LMNB2: variants seen among roughly 807,000 people sequenced by gnomAD.
LMNB2 encodes the protein lamin B2, also known as lamin-B2.
Under a neutral mutation model 69.3 loss-of-function variants are expected in LMNB2, and 17 were observed. The ratio of observed to expected loss-of-function variants is 0.25; its 90% CI spans 0.17 to 0.37. The LOEUF (loss-of-function observed/expected upper bound fraction) is 0.37. LMNB2 is among the 10% of genes least tolerant of loss of function. LMNB2 has a pLI of 1.00. For synonymous variants in LMNB2, 397 were observed against 389.3 expected (o/e 1.02, Z -0.23); for missense variants, 789 against 883.6 (o/e 0.89, Z 1.36).
At position 2,443,380 on chromosome 19, in the gene LMNB2, G is replaced by A. The variant is rs539678633; in HGVS notation, c.401+1024C>T. Reference sequence around the variant, plus strand: ...AGGTCACCTGCAACCACGCATGGGGGCCCCGGCACTGTTGGACACAGGGTC... The same window carrying A: ...AGGTCACCTGCAACCACGCATGGGGACCCCGGCACTGTTGGACACAGGGTC... On this transcript the variant is annotated intron_variant, in intron 2 of 11. Coordinates refer to ENST00000325327, the MANE Select transcript of LMNB2 (RefSeq NM_032737.4). This position sits in a 1 kb window ranked among gnomAD's most constrained non-coding sequence, Gnocchi z 6.2. 3.3e-4 allele frequency among the ~76,000 whole-genome samples: 50 copies of A among 152,284 alleles called. No individual in the cohort carries two copies. Among genetic ancestry groups the A allele is most frequent in the African/African-American group, 1.2e-3 (49 of 41,558 alleles).
chr19:2,455,409 T>C (rs2145477650), intron 1 of LMNB2, among the ~76,000 whole-genome samples: 1 of 151,700 alleles, frequency 6.6e-6, no homozygotes, highest in Non-Finnish European at 1.5e-5. Context: ...ACCCCCTCAG[T>C]TGGGGGGGGT....
chr19:2,432,329 C>T, intron 9 of LMNB2, 87 bp downstream of exon 9: 1 of 823,708 alleles, frequency 1.2e-6, no homozygotes. Flanking sequence ...TCCCCACCCA[C>T]CCCCGCCAAG....
chr19:2,444,291 C>A, intron 2 of LMNB2, 113 bp downstream of exon 2: 3 of 1,288,030 alleles, frequency 2.3e-6, no homozygotes, highest in Non-Finnish European at 2.2e-6. Flanking sequence ...GCTGTGAGCT[C>A]CAGGCTGTGC....
intron 5 of LMNB2, 30 bp from the exon 6 acceptor site, chr19:2,434,943 C>G (rs62122269): frequency 1.3e-6 from 2 of 1,585,922 alleles, no homozygotes; most frequent in African/African-American, 2.7e-5. Context: ...TGAGTGCGGG[C>G]GCGGGGCGGG....
chr19:2,450,826 T>C (rs1972013544), intron 1 of LMNB2, among the ~76,000 whole-genome samples: 1 of 151,218 alleles, frequency 6.6e-6, no homozygotes, highest in Non-Finnish European at 1.5e-5. Context: ...GAGACGGGGC[T>C]TCACCATGTT....
chr19:2,454,292 CAA>C (rs58800585), intron 1 of LMNB2, among the ~76,000 whole-genome samples: 30 of 80,970 alleles, frequency 3.7e-4, no homozygotes, highest in Admixed American at 1.3e-3. Flanking sequence ...GACTCTATCT[CAA>C]AAAAAAAAAA....
intron 1 of LMNB2, among the ~76,000 whole-genome samples, chr19:2,456,006 C>G (rs987181882): frequency 2.0e-5 from 3 of 151,206 alleles, no homozygotes; most frequent in Middle Eastern, 3.4e-3. Context: ...GATCGCGCAC[C>G]CCGCGGTGGC....
At chr19:2,432,903 G>A (rs1971762486) in intron 8 of LMNB2, among the ~76,000 whole-genome samples, 1 of 77,382 alleles carries the variant, frequency 1.3e-5, no homozygotes, top group African/African-American at 7.0e-5. Context: ...CCTCGCATTG[G>A]CCGGCGGCCC....
chr19:2,430,722 G>T lies in LMNB2; in HGVS notation c.*189C>A. 1 of 683,036 alleles carries T rather than the reference G, an allele frequency of 1.5e-6. No individual in the cohort carries two copies. Among genetic ancestry groups the T allele is most frequent in the Non-Finnish European group, 2.7e-6 (1 of 368,164 alleles). 42.3% of individuals were successfully genotyped at this position (683,036 alleles called of 1,614,324 possible). A position where few individuals can be genotyped will look rare whatever the true frequency, so the allele number is the denominator to read the frequency against. ...ATTGAAAAGTCTCCGGGGCAGCGGC[G>T]AAGTGGCAGCGAAGTGAGGCTGGAG... On this transcript the variant is annotated 3_prime_UTR_variant, in exon 12 of 12. Coordinates refer to ENST00000325327, the MANE Select transcript of LMNB2 (RefSeq NM_032737.4).
At chr19:2,431,995 T>A in intron 9 of LMNB2, 93 bp from the exon 10 acceptor site, 2 of 1,482,686 alleles carry the variant, frequency 1.3e-6, no homozygotes, top group East Asian at 2.4e-5. Flanking sequence ...CCCCCTTCAA[T>A]GCCCTGGGCG....
At position 2,435,095 on chromosome 19, in the gene LMNB2, A is replaced by T. The variant is rs746946647; in HGVS notation, c.761T>A (p.Phe254Tyr). The T allele has an allele frequency of 6.2e-7, 1 of 1,610,072 alleles. No homozygotes were observed. The highest frequency in any genetic ancestry group is 2.2e-5 in the East Asian group (1 of 44,848). ...CTCCTCCAGCGCCTGTGCCATCTTGAAGTCGTACTCCTGCTGCCGGCTGCT... is the reference window on the plus strand; with the variant it reads ...CTCCTCCAGCGCCTGTGCCATCTTGTAGTCGTACTCCTGCTGCCGGCTGCT... ...VDSSRQQEYDFKMAQALEELR... is the reference protein window; with the variant it reads ...VDSSRQQEYDYKMAQALEELR... Residue 254 changes from phenylalanine (F) to tyrosine (Y), a missense_variant, in exon 5 of 12, where the codon TTC becomes TAC. By Grantham distance (22) the Phe-to-Tyr change is conservative. Transcript: ENST00000325327.
At chr19:2,444,656 G>A in intron 1 of LMNB2, 116 bp from the exon 2 acceptor site, 2 of 1,347,150 alleles carry the variant, frequency 1.5e-6, no homozygotes, top group South Asian at 1.2e-5. Flanking sequence ...CGCAGAGAGA[G>A]AGGATGGCAG....
At chr19:2,442,003 G>A (rs1389108765) in intron 2 of LMNB2, among the ~76,000 whole-genome samples, 1 of 152,218 alleles carries the variant, frequency 6.6e-6, no homozygotes, top group Non-Finnish European at 1.5e-5. Flanking sequence ...GCAGGGTGCG[G>A]GCTCCCAGGG....
In LMNB2 at chr19:2,443,982, C is replaced by T. The variant is rs576554425; in HGVS notation, c.401+422G>A. Among the ~76,000 whole-genome samples the T allele has an allele frequency of 6.6e-6, 1 of 152,142 alleles. No homozygotes were observed. Among genetic ancestry groups the T allele is most frequent in the Admixed American group, 6.6e-5 (1 of 15,266 alleles). On this transcript the variant is annotated intron_variant, in intron 2 of 11. Transcript: ENST00000325327. The surrounding 1 kb of genome is among the most constrained non-coding windows in gnomAD (Gnocchi z 6.2). The stretch of plus-strand genomic sequence containing the variant: ...GAGCGTCCCAACAGCTGGGACAAAA[C>T]CCCGGCACCAAGAACATCCAACCAC...
At position 2,456,656 on chromosome 19, in the gene LMNB2, GC is replaced by G. The variant is rs1175405778; in HGVS notation, c.264+13del. 3 of 1,505,012 alleles carry G rather than the reference GC, an allele frequency of 2.0e-6. No homozygotes were observed. Among genetic ancestry groups the G allele is most frequent in the Non-Finnish European group, 2.7e-6 (3 of 1,125,266 alleles). The allele number at this position is 1,505,012 out of a possible 1,614,324, so 93.2% of individuals were successfully genotyped here. A position where few individuals can be genotyped will look rare whatever the true frequency, so the allele number is the denominator to read the frequency against. On this transcript the variant is annotated intron_variant, in intron 1 of 11. Coordinates refer to ENST00000325327, the MANE Select transcript of LMNB2 (RefSeq NM_032737.4). Reference sequence around the variant, plus strand: ...GGCTGCACCCCCGCCCGGCCCCTAAGCCCCGGCGCCCACCTCGCGCGTGGTC... The same window carrying G: ...GGCTGCACCCCCGCCCGGCCCCTAAGCCCGGCGCCCACCTCGCGCGTGGTC...
chr19:2,456,588 A>G (rs1972093217), intron 1 of LMNB2, 82 bp downstream of exon 1: 2 of 1,267,702 alleles, frequency 1.6e-6, no homozygotes, highest in Non-Finnish European at 2.0e-6. Flanking sequence ...ACCCCCGCCC[A>G]GGGTCCCCGC....
At position 2,438,376 on chromosome 19, in the gene LMNB2, T is replaced by A. The variant is rs1331367506; in HGVS notation, c.557A>T (p.Lys186Met). 1.2e-6 allele frequency: 2 copies of A among 1,612,922 alleles called. No homozygotes were observed. Among genetic ancestry groups the A allele is most frequent in the Non-Finnish European group, 1.7e-6 (2 of 1,179,916 alleles). The change falls in exon 3 of 12, where the codon AAG becomes ATG. Residue 186 changes from lysine to methionine, a missense_variant and splice_region_variant. By Grantham distance (95) the Lys-to-Met change is moderately conservative. Coordinates refer to ENST00000325327, the MANE Select transcript of LMNB2 (RefSeq NM_032737.4). ...CGTCCCGTGGCTCCTGGCACCTACCTTGGCCAGCTGGGCCCGCAGCTCAGC... is the reference window on the plus strand; with the variant it reads ...CGTCCCGTGGCTCCTGGCACCTACCATGGCCAGCTGGGCCCGCAGCTCAGC... ...DVAELRAQLA[K>M]AEDGHAVAKK...
chr19:2,430,079 G>A lies in LMNB2; in HGVS notation c.*832C>T, dbSNP rs1214154399. 6 of 153,078 alleles carry A rather than the reference G, an allele frequency of 3.9e-5. No individual in the cohort carries two copies. The highest frequency in any genetic ancestry group is 2.6e-4 in the Admixed American group (4 of 15,372). 9.5% of individuals were successfully genotyped at this position (153,078 alleles called of 1,614,324 possible). On this transcript the variant is annotated 3_prime_UTR_variant, in exon 12 of 12. Transcript: ENST00000325327. ...GGTCAACATGGTGGCGTTCCCTGCA[G>A]ACAGCTGTTCTGAAACTCACAGCTT...
chr19:2,440,040 C>A (rs578251058), intron 2 of LMNB2, among the ~76,000 whole-genome samples: 8 of 151,822 alleles, frequency 5.3e-5, no homozygotes, highest in African/African-American at 1.7e-4. Context: ...TCCCCCAGGG[C>A]CTTTCAAAAG....
Sources: gnomAD v4.1 joint callset for allele counts (sites outside exome capture counted in the v4.1 genomes callset) on GRCh38, gnomAD v4.1.1 for gene constraint, Gnocchi (gnomAD v3.1) non-coding constraint, MANE v1.5 for transcripts, NCBI Gene and HGNC (gene_info 2026-07-23, HGNC 2026-07-21) for gene names.